PPWD1: variants seen among roughly 807,000 people sequenced by gnomAD.
PPWD1 encodes the protein peptidylprolyl isomerase domain and WD repeat containing 1.
In PPWD1, 43 loss-of-function variants were observed where a neutral mutation model predicts 68.8. That is an observed-to-expected ratio of 0.62 (90% confidence interval 0.49 to 0.81). PPWD1 has a LOEUF of 0.81. Among genes scored for constraint, PPWD1 ranks in the 30% least tolerant of loss-of-function variants. PPWD1 has a pLI of 0.00. For synonymous variants in PPWD1, 232 were observed against 258.7 expected (o/e 0.90, Z 0.99); for missense variants, 672 against 804.8 (o/e 0.83, Z 2.00).
At chr5:65,564,968 T>C (rs1036846365) in intron 1 of PPWD1, among the ~76,000 whole-genome samples, 6 of 152,240 alleles carry the variant, frequency 3.9e-5, no homozygotes, top group African/African-American at 1.4e-4. Flanking sequence ...GAGGTAGTTA[T>C]ATATCAATAC....
rs148720992 is a variant in PPWD1, at chr5:65,573,275, G to A, written c.969+989G>A. On this transcript the variant is annotated intron_variant, in intron 5 of 10. Transcript: ENST00000261308. ...AGGCTTTCACTAGTCATCCTGTCTT[G>A]CACAGTTTTTTTATTTTTTATTATT... is the stretch of plus-strand genomic sequence containing the variant. Among the ~76,000 whole-genome samples the A allele has an allele frequency of 2.0e-3, 296 of 150,828 alleles. 2 individuals are homozygous for A. Among genetic ancestry groups the A allele is most frequent in the African/African-American group, 6.6e-3 (272 of 41,212 alleles).
At chr5:65,571,807 T>C (rs1753015382) in intron 4 of PPWD1, 32 bp from the exon 5 acceptor site, 1 of 1,596,606 alleles carries the variant, frequency 6.3e-7, no homozygotes, top group Non-Finnish European at 8.5e-7. Flanking sequence ...TGCTGACCTT[T>C]TTTTTTCCCT....
intron 7 of PPWD1, among the ~76,000 whole-genome samples, chr5:65,580,383 C>CTGA (rs1753541584): frequency 6.6e-6 from 1 of 152,202 alleles, no homozygotes; most frequent in Non-Finnish European, 1.5e-5. Flanking sequence ...TCATTTGCTA[C>CTGA]ACGAACCATA....
chr5:65,563,941 T>C (rs1752493024), intron 1 of PPWD1: 1 of 1,099,202 alleles, frequency 9.1e-7, no homozygotes, highest in East Asian at 2.6e-5. Flanking sequence ...TTATTTCGAA[T>C]CATGGTAGGT....
intron 3 of PPWD1, 23 bp from the exon 4 acceptor site, chr5:65,569,855 T>C (rs769671085): frequency 6.3e-7 from 1 of 1,581,298 alleles, no homozygotes; most frequent in African/African-American, 1.4e-5. Context: ...ACTAGAATGT[T>C]TTAATTTCAT....
Position 65,572,287 on chromosome 5 carries a change from G to A in PPWD1, c.969+1G>A, listed in dbSNP as rs775232695. 4 of 1,590,800 alleles carry A rather than the reference G, an allele frequency of 2.5e-6. No homozygotes were observed. The highest frequency in any genetic ancestry group is 2.6e-6 in the Non-Finnish European group (3 of 1,168,788). ...GAGAGTCTTTGATGAATCACTAAGC[G>A]TAAGTGTAATTTAAATTTAACCGTA... On this transcript the variant is annotated splice_donor_variant, in intron 5 of 10. Transcript: ENST00000261308. LOFTEE classifies it high-confidence loss of function.
chr5:65,585,188 A>C (rs190649763), intron 9 of PPWD1, 93 bp downstream of exon 9: 1 of 1,279,936 alleles, frequency 7.8e-7, no homozygotes, highest in Admixed American at 2.1e-5. Context: ...CTCACACTTA[A>C]TCAGTTTAGT....
intron 6 of PPWD1, among the ~76,000 whole-genome samples, chr5:65,578,319 T>C (rs868267000): frequency 6.6e-6 from 1 of 152,360 alleles, no homozygotes; most frequent in South Asian, 2.1e-4. Context: ...GTACAGGTGT[T>C]TGTGTAGTCA....
chr5:65,586,462 AAATT>A (rs934201925), intron 10 of PPWD1, among the ~76,000 whole-genome samples: 1 of 152,182 alleles, frequency 6.6e-6, no homozygotes, highest in Non-Finnish European at 1.5e-5. Context: ...AACCTAAAAT[AAATT>A]ATTTCACTTC....
intron 10 of PPWD1, 89 bp from the exon 11 acceptor site, chr5:65,587,164 A>G (rs1299285068): frequency 7.4e-7 from 1 of 1,357,494 alleles, no homozygotes; most frequent in Admixed American, 2.5e-5. Flanking sequence ...GGGAGCGTAA[A>G]CTTAAATTCT....
At chr5:65,563,812 G>C in intron 1 of PPWD1, 5 of 1,507,934 alleles carry the variant, frequency 3.3e-6, no homozygotes, top group Non-Finnish European at 4.5e-6. Context: ...GCAGCCACAT[G>C]AAGTTGGAAT....
At chr5:65,579,349 C>CT (rs1753489680) in intron 6 of PPWD1, 75 bp from the exon 7 acceptor site, 12 of 1,381,962 alleles carry the variant, frequency 8.7e-6, no homozygotes, top group Non-Finnish European at 1.1e-5. Context: ...TGATTCCCAG[C>CT]TTTTATCTGT....
intron 1 of PPWD1, 189 bp downstream of exon 1, chr5:65,563,695 C>A (rs567153426): frequency 2.2e-5 from 31 of 1,382,390 alleles, no homozygotes; most frequent in Non-Finnish European, 2.9e-5. Flanking sequence ...AGTACAACGT[C>A]TTTTTGATAA....
intron 7 of PPWD1, among the ~76,000 whole-genome samples, chr5:65,579,918 G>A (rs1413177212): frequency 6.6e-6 from 1 of 152,132 alleles, no homozygotes; most frequent in African/African-American, 2.4e-5. Flanking sequence ...TTCACTGTGG[G>A]ATTTTAAAAG....
At chr5:65,574,238 T>C (rs1284946437) in intron 5 of PPWD1, among the ~76,000 whole-genome samples, 1 of 152,218 alleles carries the variant, frequency 6.6e-6, no homozygotes, top group South Asian at 2.1e-4. Flanking sequence ...AGCCAAATTA[T>C]CCTTATGACA....
intron 1 of PPWD1, 152 bp downstream of exon 1, chr5:65,563,658 G>A: frequency 1.5e-6 from 2 of 1,339,356 alleles, no homozygotes; most frequent in Non-Finnish European, 2.1e-6. Context: ...ATACTTGCAT[G>A]TCTTAACGAA....
chr5:65,577,267 A>ATGTT (rs768432058), intron 6 of PPWD1, among the ~76,000 whole-genome samples, 198 bp downstream of exon 6: 61 of 152,266 alleles, frequency 4.0e-4, no homozygotes, highest in Non-Finnish European at 5.9e-4. Context: ...GTTTCCACTC[A>ATGTT]TGTTTGTAAA....
intron 5 of PPWD1, 68 bp downstream of exon 5, chr5:65,572,354 A>C: frequency 1.4e-6 from 2 of 1,403,276 alleles, no homozygotes; most frequent in Non-Finnish European, 1.9e-6. Context: ...CCTTTTCTTG[A>C]AAGATCTTTT....
chr5:65,587,148 C>A, intron 10 of PPWD1, 105 bp from the exon 11 acceptor site: 1 of 1,239,200 alleles, frequency 8.1e-7, no homozygotes. Context: ...TAAATATATG[C>A]TAAAGGGGAG....
Sources: allele counts gnomAD v4.1 joint callset (sites outside exome capture counted in the v4.1 genomes callset), GRCh38; gene constraint gnomAD v4.1.1; transcripts MANE v1.5; gene names NCBI Gene and HGNC (gene_info 2026-07-23, HGNC 2026-07-21).